Variants in FOXP1 observed in about 807,000 individuals in gnomAD.
The protein encoded by FOXP1 is forkhead box P1, also known as forkhead box protein P1.
A neutral mutation model predicts 98.2 loss-of-function variants in FOXP1; 15 were observed. The ratio of observed to expected loss-of-function variants is 0.15; its 90% confidence interval spans 0.10 to 0.24. FOXP1 has a LOEUF of 0.24. Among genes scored for constraint, FOXP1 ranks in the 10% least tolerant of loss-of-function variants. The pLI is 1.00. For synonymous variants in FOXP1, 371 were observed against 314.5 expected (o/e 1.18, Z -1.90); for missense variants, 633 against 848.5 (o/e 0.75, Z 3.15).
rs193170701 is a variant in FOXP1, at chr3:70,979,074, C to T, written c.1147-1045G>A. Among the ~76,000 whole-genome samples the T allele has an allele frequency of 4.5e-4, 69 of 151,686 alleles. 2 individuals are homozygous for T. Among genetic ancestry groups the T allele is most frequent in the Non-Finnish European group, 3.4e-4 (23 of 67,882 alleles). ...TTGAGGCCAGGAGTTTGAAACCAGG[C>T]TGGACAACATGGTGAAACTCTGTCT... is the stretch of plus-strand genomic sequence containing the variant. On this transcript the variant is annotated intron_variant, in intron 14 of 20. Transcript: ENST00000649528.
At chr3:71,449,084 A>T (rs1379249964) in intron 3 of FOXP1, among the ~76,000 whole-genome samples, 1 of 152,222 alleles carries the variant, frequency 6.6e-6, no homozygotes, top group Non-Finnish European at 1.5e-5. Context: ...ACAGTAATCA[A>T]ACAATATTAT....
At chr3:71,265,939 C>A (rs975987885) in intron 5 of FOXP1, among the ~76,000 whole-genome samples, 4 of 152,170 alleles carry the variant, frequency 2.6e-5, no homozygotes, top group Admixed American at 2.6e-4. Context: ...AGCAAACCTC[C>A]AAAGTGCAAG....
chr3:71,582,290 G>T (rs569399403), intron 1 of FOXP1: 1 of 977,954 alleles, frequency 1.0e-6, no homozygotes, highest in Non-Finnish European at 1.2e-6. Context: ...TGAAAAGGAG[G>T]GAGGCGGGAG....
intron 6 of FOXP1, among the ~76,000 whole-genome samples, chr3:71,175,266 A>C (rs116508059): frequency 6.6e-6 from 1 of 152,158 alleles, no homozygotes. Flanking sequence ...ACCCAGAAAC[A>C]TGCATGTACT....
intron 5 of FOXP1, among the ~76,000 whole-genome samples, chr3:71,201,147 A>AGTT (rs2063647485): frequency 6.6e-6 from 1 of 152,208 alleles, no homozygotes; most frequent in African/African-American, 2.4e-5. Flanking sequence ...TAGAAATTGC[A>AGTT]GTTATATTCT....
intron 7 of FOXP1, among the ~76,000 whole-genome samples, chr3:71,099,354 T>C (rs1366380651): frequency 6.6e-6 from 1 of 151,936 alleles, no homozygotes; most frequent in East Asian, 1.9e-4. Context: ...CTACTAAAAA[T>C]ATAAAAAATT....
intron 2 of FOXP1, among the ~76,000 whole-genome samples, chr3:71,512,229 G>C (rs902688110): frequency 2.0e-5 from 3 of 152,150 alleles, no homozygotes; most frequent in Non-Finnish European, 2.9e-5. Flanking sequence ...CTTAGAGACA[G>C]GATATAGGGC....
intron 5 of FOXP1, among the ~76,000 whole-genome samples, chr3:71,266,973 A>G (rs1458818610): frequency 6.6e-6 from 1 of 152,188 alleles, no homozygotes; most frequent in Non-Finnish European, 1.5e-5. Context: ...CCCATCACAG[A>G]TACACAGTGA....
intron 6 of FOXP1, among the ~76,000 whole-genome samples, chr3:71,144,505 G>A (rs2060212894): frequency 6.6e-6 from 1 of 152,200 alleles, no homozygotes; most frequent in South Asian, 2.1e-4. Context: ...CATTCGGCAG[G>A]TAAGATGGGT....
At chr3:71,296,596 G>C (rs1339235359) in intron 5 of FOXP1, 1 of 146,502 alleles carries the variant, frequency 6.8e-6, no homozygotes, top group East Asian at 2.0e-4. Context: ...AGATGGAATG[G>C]ATACTGTAAA....
intron 5 of FOXP1, among the ~76,000 whole-genome samples, chr3:71,277,288 A>C: frequency 1.4e-5 from 2 of 144,616 alleles, no homozygotes; most frequent in African/African-American, 2.6e-5. Flanking sequence ...TTTAACTTCC[A>C]CATATGAGTG....
intron 7 of FOXP1, among the ~76,000 whole-genome samples, chr3:71,071,507 A>ACGT (rs1472671339): frequency 1.3e-5 from 2 of 152,214 alleles, no homozygotes; most frequent in Non-Finnish European, 2.9e-5. Context: ...TGGGCAAGTC[A>ACGT]CGTCACCTCT....
At chr3:71,465,942 G>A (rs2088678466) in intron 3 of FOXP1, among the ~76,000 whole-genome samples, 1 of 152,170 alleles carries the variant, frequency 6.6e-6, no homozygotes, top group South Asian at 2.1e-4. Context: ...ACTAATGCCT[G>A]ATGATCTGAG....
At position 70,954,914 on chromosome 3, in the gene FOXP1, G is replaced by C. The variant is rs920076759; in HGVS notation, c.*4333C>G. The C allele has an allele frequency of 1.3e-5, 3 of 232,660 alleles. No individual in the cohort carries two copies. The highest frequency in any genetic ancestry group is 6.6e-5 in the African/African-American group (3 of 45,276). 14.4% of individuals were successfully genotyped at this position (232,660 alleles called of 1,614,324 possible). On this transcript the variant is annotated 3_prime_UTR_variant, in exon 21 of 21. Transcript: ENST00000649528. ...CAAAACAAAAAAATTCTTGTTACTG[G>C]CAGCACATATACATGAAGCACCATG...
At chr3:71,243,327 G>C (rs1316064012) in intron 5 of FOXP1, among the ~76,000 whole-genome samples, 1 of 152,112 alleles carries the variant, frequency 6.6e-6, no homozygotes, top group Non-Finnish European at 1.5e-5. Flanking sequence ...GCTTCACCTT[G>C]ACAGGGCTAC....
intron 2 of FOXP1, chr3:71,541,972 A>AT (rs1219256144): frequency 1.9e-6 from 1 of 533,434 alleles, no homozygotes. Context: ...CGCGAGACAG[A>AT]TTTTCAGTAT....
chr3:70,969,357 C>T (rs2035680852), intron 19 of FOXP1: 1 of 152,090 alleles, frequency 6.6e-6, no homozygotes, highest in Non-Finnish European at 1.5e-5. Context: ...GTAGTTTCTC[C>T]TATTAAATCT....
chr3:71,283,047 C>G (rs2071730435), intron 5 of FOXP1, among the ~76,000 whole-genome samples: 1 of 152,176 alleles, frequency 6.6e-6, no homozygotes. Flanking sequence ...ATGGGAAGAA[C>G]AGAGAAAAAG....
At chr3:71,220,991 T>C (rs1170177187) in intron 5 of FOXP1, among the ~76,000 whole-genome samples, 2 of 151,556 alleles carry the variant, frequency 1.3e-5, no homozygotes, top group African/African-American at 2.4e-5. Flanking sequence ...TATATAAAGC[T>C]AGCAGACAAA....
Sources: allele counts gnomAD v4.1 joint callset (sites outside exome capture counted in the v4.1 genomes callset), GRCh38; gene constraint gnomAD v4.1.1; transcripts MANE v1.5; gene names NCBI Gene and HGNC (gene_info 2026-07-23, HGNC 2026-07-21).